Variants in NOTCH2NLC observed in about 807,000 individuals in gnomAD.
NOTCH2NLC encodes the protein notch homolog 2 N-terminal-like protein C.
In NOTCH2NLC, 4 loss-of-function variants were observed where a neutral mutation model predicts 17.7. The observed-to-expected ratio is 0.23, with a 90% confidence interval of 0.11 to 0.52. NOTCH2NLC has a LOEUF of 0.52. NOTCH2NLC is among the 20% of genes least tolerant of loss of function. The pLI, the probability that NOTCH2NLC is intolerant of heterozygous loss-of-function variation, is 0.96. For missense variants in NOTCH2NLC, 57 were observed against 207.2 expected, an observed-to-expected ratio of 0.28 and a Z score of 4.45; for synonymous variants, 18 against 86.0, an observed-to-expected ratio of 0.21 and a Z score of 4.38.
rs1238398675 is a variant in NOTCH2NLC, at chr1:149,469,340, GA to G, written c.*5194del. ...CTTTTGTGACAGACTTCTTCTGGGG[GA>G]AAAAAAGTATCCTTCTATCTTTTTA... On this transcript the variant is annotated 3_prime_UTR_variant, in exon 5 of 5. Transcript: ENST00000650865. Among the ~76,000 whole-genome samples, 3 of 55,356 alleles carry G rather than the reference GA, an allele frequency of 5.4e-5. No individual in the cohort carries two copies. Among genetic ancestry groups the G allele is most frequent in the Non-Finnish European group, 1.1e-4 (3 of 28,102 alleles). The allele number at this position is 55,356 out of a possible 152,430, so 36.3% of individuals were successfully genotyped here. A position where few individuals can be genotyped will look rare whatever the true frequency, so the allele number is the denominator to read the frequency against.
Position 149,449,161 on chromosome 1 carries a change from G to T in NOTCH2NLC, c.210-6157G>T, listed in dbSNP as rs1310984227. On this transcript the variant is annotated intron_variant, in intron 2 of 4. Coordinates refer to ENST00000650865, the MANE Select transcript of NOTCH2NLC (RefSeq NM_001364013.2). The stretch of plus-strand genomic sequence containing the variant: ...CTCCCAAAGTGCTGAGATTACTGGT[G>T]TGAGCCACCGCACCTGGCCTAGCTG... Among the ~76,000 whole-genome samples, 3 of 150,852 alleles carry T rather than the reference G, an allele frequency of 2.0e-5. 1 individual carries two copies. The highest frequency in any genetic ancestry group is 4.4e-5 in the Non-Finnish European group (3 of 67,532).
At chr1:149,462,808 C>A (rs1455981314) in intron 3 of NOTCH2NLC, among the ~76,000 whole-genome samples, 1 of 147,030 alleles carries the variant, frequency 6.8e-6, no homozygotes, top group Non-Finnish European at 1.5e-5. Context: ...AGGGAGAGTT[C>A]ACTAGGAAAA....
chr1:149,446,233 C>T (rs2084552364), intron 2 of NOTCH2NLC, among the ~76,000 whole-genome samples: 1 of 91,144 alleles, frequency 1.1e-5, no homozygotes, highest in Non-Finnish European at 2.2e-5. Context: ...ATTCAGATCC[C>T]AGCTTCGTTG....
intron 2 of NOTCH2NLC, among the ~76,000 whole-genome samples, chr1:149,433,453 A>G (rs1324844255): frequency 2.0e-5 from 3 of 150,934 alleles, no homozygotes; most frequent in African/African-American, 4.9e-5. Context: ...AAAATTTAAA[A>G]AAAGTTTATT....
At chr1:149,441,071 G>T (rs1424056832) in intron 2 of NOTCH2NLC, among the ~76,000 whole-genome samples, 2 of 149,712 alleles carry the variant, frequency 1.3e-5, no homozygotes, top group African/African-American at 4.9e-5. Context: ...GCCATGTTTT[G>T]CGAGGAAAAT....
chr1:149,449,007 G>A (rs1302244859), intron 2 of NOTCH2NLC, among the ~76,000 whole-genome samples: 6 of 145,760 alleles, frequency 4.1e-5, no homozygotes, highest in South Asian at 4.4e-4. Context: ...TCAGCCTCCC[G>A]AGTAGCTGGG....
chr1:149,415,312 TA>T (rs2084329184), intron 1 of NOTCH2NLC, among the ~76,000 whole-genome samples: 1 of 48,346 alleles, frequency 2.1e-5, no homozygotes, highest in Non-Finnish European at 4.0e-5. Flanking sequence ...TACATGTAAC[TA>T]AAAGTAAGAA....
intron 1 of NOTCH2NLC, among the ~76,000 whole-genome samples, chr1:149,400,695 T>TA (rs1208840357): frequency 2.1e-5 from 3 of 143,006 alleles, no homozygotes; most frequent in Non-Finnish European, 3.0e-5. Flanking sequence ...TAATACTTAA[T>TA]AAAAAAATAT....
intron 1 of NOTCH2NLC, among the ~76,000 whole-genome samples, chr1:149,427,238 ATTC>A (rs1354736303): frequency 6.7e-6 from 1 of 149,530 alleles, no homozygotes; most frequent in Non-Finnish European, 1.5e-5. Context: ...ATACAAAAAA[ATTC>A]TTCTTGTGTA....
chr1:149,427,119 C>T (rs1333314733), intron 1 of NOTCH2NLC, among the ~76,000 whole-genome samples: 1,518 of 118,562 alleles, frequency 0.013, no homozygotes, highest in African/African-American at 0.017. Context: ...GTATATCCTT[C>T]ATCTCAAATA....
intron 1 of NOTCH2NLC, among the ~76,000 whole-genome samples, chr1:149,400,362 G>T (rs1391814079): frequency 1.4e-5 from 2 of 138,392 alleles, no homozygotes; most frequent in African/African-American, 5.3e-5. Context: ...TTGGTAAATT[G>T]TGTCTTTTAC....
chr1:149,394,544 T>G (rs2084194556), intron 1 of NOTCH2NLC, among the ~76,000 whole-genome samples: 1 of 151,250 alleles, frequency 6.6e-6, no homozygotes, highest in African/African-American at 2.4e-5. Context: ...CTTTTCCCTT[T>G]TCTTCTGTTA....
At position 149,449,843 on chromosome 1, in the gene NOTCH2NLC, C is replaced by T. The variant is rs1272677886; in HGVS notation, c.210-5475C>T. The stretch of plus-strand genomic sequence containing the variant: ...AACACTAATCTACTTTTTATCTCTA[C>T]GGATTTGCATATTCTGGACATTTCA... On this transcript the variant is annotated intron_variant, in intron 2 of 4. Transcript: ENST00000650865. Among the ~76,000 whole-genome samples, 25 of 151,002 alleles carry T rather than the reference C, an allele frequency of 1.7e-4. 1 individual carries two copies. The highest frequency in any genetic ancestry group is 2.4e-4 in the Non-Finnish European group (16 of 67,564).
At chr1:149,433,288 G>C (rs1251910154) in intron 2 of NOTCH2NLC, among the ~76,000 whole-genome samples, 1 of 136,376 alleles carries the variant, frequency 7.3e-6, no homozygotes. Flanking sequence ...AGGGGGTGGG[G>C]GGAAAGGGGA....
chr1:149,391,014 G>C, intron 1 of NOTCH2NLC, 92 bp downstream of exon 1: 1 of 1,036,682 alleles, frequency 9.6e-7, no homozygotes, highest in South Asian at 2.7e-5. Context: ...TGTGTGGGAA[G>C]GCCAGGCTCG....
chr1:149,402,301 G>A (rs1483691886), intron 1 of NOTCH2NLC, among the ~76,000 whole-genome samples: 5 of 150,714 alleles, frequency 3.3e-5, no homozygotes, highest in South Asian at 2.1e-4. Flanking sequence ...GGCTGGTCTC[G>A]TACTCCTGAC....
At chr1:149,415,896 A>T (rs1334822137) in intron 1 of NOTCH2NLC, among the ~76,000 whole-genome samples, 65 of 150,494 alleles carry the variant, frequency 4.3e-4, no homozygotes, top group Admixed American at 4.2e-3. Flanking sequence ...GAATTTTGAT[A>T]ATTTATTTAT....
At chr1:149,420,025 C>A (rs1184094787) in intron 1 of NOTCH2NLC, among the ~76,000 whole-genome samples, 3 of 145,436 alleles carry the variant, frequency 2.1e-5, no homozygotes, top group Non-Finnish European at 4.6e-5. Context: ...CGCCACCATG[C>A]CCAGCTAATT....
chr1:149,435,715 A>G (rs1302063148), intron 2 of NOTCH2NLC, among the ~76,000 whole-genome samples: 2 of 134,718 alleles, frequency 1.5e-5, no homozygotes, highest in Admixed American at 7.5e-5. Context: ...ATTTGAGCAG[A>G]GTTGTATGCA....
Sources: gnomAD v4.1 joint callset for allele counts (sites outside exome capture counted in the v4.1 genomes callset) on GRCh38, gnomAD v4.1.1 for gene constraint, MANE v1.5 for transcripts, NCBI Gene and HGNC (gene_info 2026-07-23, HGNC 2026-07-21) for gene names.